ME3: variants seen among roughly 807,000 people sequenced by gnomAD.
ME3 encodes malic enzyme 3.
In ME3, 48 loss-of-function variants were observed where a neutral mutation model predicts 68.9. The observed-to-expected ratio is 0.70, with a 90% CI of 0.55 to 0.89. The LOEUF (loss-of-function observed/expected upper bound fraction) is 0.89, where lower values mean the gene tolerates loss of function less well. Ranked by LOEUF, ME3 falls within the 40% of genes least tolerant of loss-of-function variation. The probability of loss-of-function intolerance (pLI) is 0.00; values close to 1 mark genes in which losing one functional copy is unlikely to be tolerated. For synonymous variants in ME3, 320 were observed against 318.8 expected, an observed-to-expected ratio of 1.00 and a Z score of -0.04; for missense variants, 675 against 797.4, an observed-to-expected ratio of 0.85 and a Z score of 1.85.
At chr11:86,490,709 G>A (rs1337012834) in intron 6 of ME3, among the ~76,000 whole-genome samples, 3 of 152,166 alleles carry the variant, frequency 2.0e-5, no homozygotes, top group African/African-American at 7.2e-5. Flanking sequence ...ACTGAAAATA[G>A]TGTTACTCTT....
chr11:86,515,656 T>A (rs55811908), intron 4 of ME3, among the ~76,000 whole-genome samples: 360 of 152,166 alleles, frequency 2.4e-3, no homozygotes, highest in African/African-American at 8.3e-3. Flanking sequence ...CTGAAGGGGG[T>A]GCTAAAGTGA....
At chr11:86,609,986 C>G (rs1330946585) in intron 2 of ME3, among the ~76,000 whole-genome samples, 1 of 152,330 alleles carries the variant, frequency 6.6e-6, no homozygotes, top group East Asian at 1.9e-4. Context: ...GTCCTCACAA[C>G]CCTTCAAGGG....
intron 2 of ME3, among the ~76,000 whole-genome samples, chr11:86,652,571 C>T (rs1945526369): frequency 6.6e-6 from 1 of 151,966 alleles, no homozygotes; most frequent in Non-Finnish European, 1.5e-5. Context: ...ACCAGGCCTG[C>T]CCTAAAAGAG....
At chr11:86,481,352 C>T (rs1035318530) in intron 7 of ME3, among the ~76,000 whole-genome samples, 3 of 151,744 alleles carry the variant, frequency 2.0e-5, no homozygotes, top group Admixed American at 6.6e-5. Flanking sequence ...TGTGCTCAGC[C>T]GAAGAGTTTC....
At chr11:86,486,183 C>T (rs762325634) in intron 7 of ME3, among the ~76,000 whole-genome samples, 7 of 152,192 alleles carry the variant, frequency 4.6e-5, no homozygotes, top group Non-Finnish European at 7.3e-5. Flanking sequence ...TTCAGGTGTG[C>T]ACTGGATCCT....
chr11:86,541,423 A>C (rs1956044006), intron 4 of ME3, among the ~76,000 whole-genome samples: 1 of 152,230 alleles, frequency 6.6e-6, no homozygotes, highest in African/African-American at 2.4e-5. Context: ...CCAGCACAGC[A>C]GTCTGAAGTT....
intron 4 of ME3, among the ~76,000 whole-genome samples, chr11:86,545,017 A>G (rs2139373357): frequency 6.6e-6 from 1 of 152,350 alleles, no homozygotes; most frequent in East Asian, 1.9e-4. Context: ...GGCTGGTTCA[A>G]CATATGCAAA....
intron 2 of ME3, among the ~76,000 whole-genome samples, chr11:86,640,605 C>A (rs1944607837): frequency 6.6e-6 from 1 of 152,172 alleles, no homozygotes; most frequent in Non-Finnish European, 1.5e-5. Flanking sequence ...CAAGATGCAC[C>A]TAAACAATAA....
At chr11:86,446,202 A>G in intron 13 of ME3, 112 bp downstream of exon 13, 1 of 1,276,434 alleles carries the variant, frequency 7.8e-7, no homozygotes, top group Non-Finnish European at 1.1e-6. Flanking sequence ...TTGGGAATCC[A>G]CTGGCAATGT....
chr11:86,480,655 G>A (rs1951349530), intron 7 of ME3, among the ~76,000 whole-genome samples: 1 of 152,212 alleles, frequency 6.6e-6, no homozygotes, highest in African/African-American at 2.4e-5. Flanking sequence ...TGCCCACGAT[G>A]TGTCTTTGGG....
At chr11:86,533,596 A>G (rs958770098) in intron 4 of ME3, among the ~76,000 whole-genome samples, 1 of 152,222 alleles carries the variant, frequency 6.6e-6, no homozygotes, top group African/African-American at 2.4e-5. Flanking sequence ...ATCTTTCTCA[A>G]ATTCTTCCAA....
chr11:86,502,803 T>C (rs1412922715), intron 5 of ME3, among the ~76,000 whole-genome samples: 2 of 152,340 alleles, frequency 1.3e-5, no homozygotes, highest in East Asian at 3.9e-4. Flanking sequence ...ATTCTTCCTT[T>C]GCCCACCTGC....
chr11:86,642,602 A>C (rs907824503), intron 2 of ME3, among the ~76,000 whole-genome samples: 3 of 152,156 alleles, frequency 2.0e-5, no homozygotes, highest in African/African-American at 7.2e-5. Flanking sequence ...TTGGGAGGCT[A>C]AAGTGGGAAT....
intron 2 of ME3, among the ~76,000 whole-genome samples, chr11:86,625,312 A>C (rs753380474): frequency 2.8e-4 from 43 of 151,914 alleles, no homozygotes; most frequent in Non-Finnish European, 5.6e-4. Context: ...AAGATCTAAG[A>C]ATGAAGACGC....
chr11:86,588,569 A>G (rs963256735), intron 2 of ME3, among the ~76,000 whole-genome samples: 7 of 152,198 alleles, frequency 4.6e-5, no homozygotes, highest in Non-Finnish European at 1.5e-5. Flanking sequence ...ACTAGAGCAG[A>G]AAGGGCAACA....
intron 2 of ME3, among the ~76,000 whole-genome samples, chr11:86,657,025 G>A (rs1303220281): frequency 6.6e-6 from 1 of 152,138 alleles, no homozygotes; most frequent in African/African-American, 2.4e-5. Context: ...TGGTGGGAGT[G>A]CAAATTAATT....
intron 2 of ME3, among the ~76,000 whole-genome samples, chr11:86,660,250 A>C (rs1191051459): frequency 1.3e-5 from 2 of 152,152 alleles, no homozygotes; most frequent in Non-Finnish European, 2.9e-5. Flanking sequence ...TTGATCCTTC[A>C]GTCTTCCCCT....
intron 2 of ME3, among the ~76,000 whole-genome samples, chr11:86,587,513 T>C (rs1198880108): frequency 6.6e-6 from 1 of 152,226 alleles, no homozygotes; most frequent in East Asian, 1.9e-4. Context: ...TGTCCAACCC[T>C]CTGGGTAAAT....
exon 5 of ME3, chr11:86,508,836 G>T (rs1953285041): frequency 6.2e-7 from 1 of 1,613,690 alleles, no homozygotes; most frequent in South Asian, 1.1e-5. Flanking sequence ...GTTGCAAGAT[G>T]ACCTTTGTCA....
Sources: allele counts gnomAD v4.1 joint callset (sites outside exome capture counted in the v4.1 genomes callset), GRCh38; gene constraint gnomAD v4.1.1; transcripts MANE v1.5; gene names NCBI Gene and HGNC (gene_info 2026-07-23, HGNC 2026-07-21).